Variants in UBE2J1 observed in about 807,000 individuals in gnomAD.
UBE2J1 encodes the protein ubiquitin conjugating enzyme E2 J1, also known as ubiquitin-conjugating enzyme E2 J1.
In UBE2J1, 17 loss-of-function variants were observed where a neutral mutation model predicts 42.1. The ratio of observed to expected loss-of-function variants is 0.40; its 90% CI spans 0.28 to 0.61. UBE2J1 has a LOEUF of 0.61. Among genes scored for constraint, UBE2J1 ranks in the 20% least tolerant of loss-of-function variants. The pLI is 0.38. For missense variants in UBE2J1, 291 were observed against 389.4 expected (o/e 0.75, Z 2.13); for synonymous variants, 127 against 137.2 (o/e 0.93, Z 0.52).
rs1201145649 is a variant in UBE2J1 at position 89,338,231 on chromosome 6, A to G, written c.402T>C (p.Pro134=). 8.7e-6 allele frequency: 14 copies of G among 1,613,148 alleles called. No homozygotes were observed. The highest frequency in any genetic ancestry group is 8.5e-7 in the Non-Finnish European group (1 of 1,179,728). ...EGAIGSLDYT[P]EERRALAKKS... ...TTTTGGCAAGTGCTCTTCTTTCCTC[A>G]GGAGTGTAATCTAGAGAACCTATGG... Residue 134 remains proline (P), a synonymous_variant, in exon 5 of 8, where the codon CCT becomes CCC. Coordinates refer to ENST00000435041, the MANE Select transcript of UBE2J1 (RefSeq NM_016021.3).
At chr6:89,341,125 G>A (rs939748511) in intron 3 of UBE2J1, among the ~76,000 whole-genome samples, 6 of 152,194 alleles carry the variant, frequency 3.9e-5, no homozygotes, top group Admixed American at 1.3e-4. Context: ...TTGCTACTCC[G>A]TGTGGGTAAG....
At chr6:89,350,839 T>C (rs547624466) in intron 1 of UBE2J1, among the ~76,000 whole-genome samples, 3 of 152,128 alleles carry the variant, frequency 2.0e-5, no homozygotes, top group Non-Finnish European at 4.4e-5. Flanking sequence ...CATTCTAAAC[T>C]GCACTACTAC....
rs754084351 is a variant in UBE2J1, at chr6:89,338,533, C to T, written c.248G>A (p.Arg83Gln). ...PSIILLTANG[R>Q]FEVGKKICLS... ...ACAGATTTTCTTGCCCACTTCAAATCGACCATTAGCCTGAGGAATAAACAA... is the reference window on the plus strand; with the variant it reads ...ACAGATTTTCTTGCCCACTTCAAATTGACCATTAGCCTGAGGAATAAACAA... The change falls in exon 4 of 8, where the codon CGA becomes CAA. Residue 83 changes from arginine to glutamine, a missense_variant. Coordinates refer to ENST00000435041, the MANE Select transcript of UBE2J1 (RefSeq NM_016021.3). The T allele has an allele frequency of 6.3e-7, 1 of 1,581,410 alleles. No homozygotes were observed. Among genetic ancestry groups the T allele is most frequent in the South Asian group, 1.2e-5 (1 of 84,322 alleles).
Position 89,333,100 on chromosome 6 carries a change from T to A in UBE2J1, c.664A>T (p.Thr222Ser). Residue 222 changes from threonine to serine, a missense_variant, in exon 7 of 8, where the codon ACG (threonine) becomes TCG (serine). Coordinates refer to ENST00000435041, the MANE Select transcript of UBE2J1 (RefSeq NM_016021.3). ...AAGAGCCATACCGATGTACTGGCCGTAGCACCCTGGAATGTTGTAGGTATA... is the reference window on the plus strand; with the variant it reads ...AAGAGCCATACCGATGTACTGGCCGAAGCACCCTGGAATGTTGTAGGTATA... ...DDIPTTFQGA[T>S]ASTSYGLQNS... 1 of 1,611,708 alleles carries A rather than the reference T, an allele frequency of 6.2e-7. No homozygotes were observed. The highest frequency in any genetic ancestry group is 8.5e-7 in the Non-Finnish European group (1 of 1,178,852).
intron 4 of UBE2J1, 43 bp downstream of exon 4, chr6:89,338,416 A>G (rs747894051): frequency 1.9e-6 from 3 of 1,568,680 alleles, no homozygotes; most frequent in South Asian, 1.1e-5. Flanking sequence ...CTATGAATTG[A>G]CTGAAGTTAT....
chr6:89,341,621 G>A (rs1432580232), intron 3 of UBE2J1, among the ~76,000 whole-genome samples: 1 of 152,094 alleles, frequency 6.6e-6, no homozygotes, highest in East Asian at 1.9e-4. Flanking sequence ...CTACTCAGGA[G>A]GCTGAGGTGG....
In UBE2J1 at chr6:89,329,347, A is replaced by G; in HGVS notation, c.*332T>C. On this transcript the variant is annotated 3_prime_UTR_variant, in exon 8 of 8. Transcript: ENST00000435041. ...AATACTCATTGGAACTTAAAACATC[A>G]TCTTTTATCCAAAAATTTCAAAGGG... is the stretch of plus-strand genomic sequence containing the variant. 3.3e-6 allele frequency: 1 copy of G among 306,406 alleles called. No individual in the cohort carries two copies. Among genetic ancestry groups the G allele is most frequent in the Non-Finnish European group, 6.1e-6 (1 of 162,984 alleles). 19.0% of individuals were successfully genotyped at this position (306,406 alleles called of 1,614,324 possible).
At chr6:89,350,262 T>G (rs1183775806) in intron 1 of UBE2J1, among the ~76,000 whole-genome samples, 1 of 152,248 alleles carries the variant, frequency 6.6e-6, no homozygotes, top group East Asian at 1.9e-4. Context: ...CACTCATACA[T>G]CAAAGACAAT....
Position 89,352,638 on chromosome 6 carries a change from G to C in UBE2J1, c.-69C>G. 2 of 1,480,376 alleles carry C rather than the reference G, an allele frequency of 1.4e-6. No individual in the cohort carries two copies. The highest frequency in any genetic ancestry group is 1.8e-6 in the Non-Finnish European group (2 of 1,117,906). The allele number at this position is 1,480,376 out of a possible 1,614,324, so 91.7% of individuals were successfully genotyped here. ...CTCCTCTCCACGCGGCCGCTGCCCGGGTCTCAGCGCGGCTCGGGCGGACGG... is the reference window on the plus strand; with the variant it reads ...CTCCTCTCCACGCGGCCGCTGCCCGCGTCTCAGCGCGGCTCGGGCGGACGG... On this transcript the variant is annotated 5_prime_UTR_variant, in exon 1 of 8. Transcript: ENST00000435041.
chr6:89,331,425 C>T (rs1228926979), intron 7 of UBE2J1, among the ~76,000 whole-genome samples: 2 of 152,134 alleles, frequency 1.3e-5, no homozygotes, highest in Non-Finnish European at 2.9e-5. Flanking sequence ...ACTATAATAA[C>T]ATCATTATTT....
At chr6:89,351,438 G>T (rs1582491888) in intron 1 of UBE2J1, among the ~76,000 whole-genome samples, 1 of 152,020 alleles carries the variant, frequency 6.6e-6, no homozygotes, top group East Asian at 1.9e-4. Context: ...GTCACCTAAG[G>T]ACATTTCTTA....
At chr6:89,352,367 G>A (rs1768502301) in intron 1 of UBE2J1, among the ~76,000 whole-genome samples, 172 bp downstream of exon 1, 1 of 152,222 alleles carries the variant, frequency 6.6e-6, no homozygotes, top group African/African-American at 2.4e-5. Context: ...ACGTCCACCC[G>A]GCCACCTCGC....
intron 1 of UBE2J1, 110 bp downstream of exon 1, chr6:89,352,429 C>T (rs1401257002): frequency 3.1e-6 from 4 of 1,289,022 alleles, no homozygotes; most frequent in Non-Finnish European, 4.2e-6. Flanking sequence ...GAGCGCGAAA[C>T]CAGGAGCTGA....
intron 2 of UBE2J1, 29 bp downstream of exon 2, chr6:89,343,654 A>C: frequency 1.9e-6 from 3 of 1,544,210 alleles, no homozygotes; most frequent in Non-Finnish European, 2.6e-6. Flanking sequence ...ATTAAAATCC[A>C]TATGAAGAAC....
Position 89,333,211 on chromosome 6 carries a change from A to C in UBE2J1, c.559-6T>G, listed in dbSNP as rs1768043422. ...CCAGATGAATTGACTTCTGCCTATA[A>C]ACAAGATAGACCCAAGAGCAGTGTG... On this transcript the variant is annotated splice_polypyrimidine_tract_variant and splice_region_variant and intron_variant, in intron 6 of 7. Coordinates refer to ENST00000435041, the MANE Select transcript of UBE2J1 (RefSeq NM_016021.3). 1 of 1,607,050 alleles carries C rather than the reference A, an allele frequency of 6.2e-7. No homozygotes were observed. Among genetic ancestry groups the C allele is most frequent in the East Asian group, 2.2e-5 (1 of 44,750 alleles).
chr6:89,352,210 G>A (rs1768497491), intron 1 of UBE2J1, among the ~76,000 whole-genome samples: 2 of 152,122 alleles, frequency 1.3e-5, no homozygotes, highest in South Asian at 4.1e-4. Context: ...CAGCGAGGGG[G>A]TTGATGACTA....
rs112739558 is a variant in UBE2J1, at chr6:89,335,169, T to C, written c.558+133A>G. Reference sequence around the variant, plus strand: ...TATGTAACCACAGAAATTAAAAATATAAAAATATGAAAAAAGAAAAACATT... The same window carrying C: ...TATGTAACCACAGAAATTAAAAATACAAAAATATGAAAAAAGAAAAACATT... On this transcript the variant is annotated intron_variant, in intron 6 of 7. Transcript: ENST00000435041. The C allele has an allele frequency of 2.2e-3, 1,836 of 828,196 alleles. 26 individuals carry two copies. The African/African-American group carries it at 0.03, about 14-fold the overall frequency. The allele number at this position is 828,196 out of a possible 1,614,324, so 51.3% of individuals were successfully genotyped here. A position where few individuals can be genotyped will look rare whatever the true frequency, so the allele number is the denominator to read the frequency against.
At chr6:89,343,336 GAGGC>G (rs1768289066) in intron 2 of UBE2J1, among the ~76,000 whole-genome samples, 1 of 151,214 alleles carries the variant, frequency 6.6e-6, no homozygotes, top group South Asian at 2.1e-4. Flanking sequence ...TCAGGAGGCT[GAGGC>G]AGGAGAATTG....
At chr6:89,337,879 G>C (rs953599728) in intron 5 of UBE2J1, among the ~76,000 whole-genome samples, 3 of 152,120 alleles carry the variant, frequency 2.0e-5, no homozygotes, top group African/African-American at 7.2e-5. Context: ...AATTGCTCTG[G>C]TTCTTTTCCA....
Sources: allele counts gnomAD v4.1 joint callset (sites outside exome capture counted in the v4.1 genomes callset), GRCh38; gene constraint gnomAD v4.1.1; transcripts MANE v1.5; gene names NCBI Gene and HGNC (gene_info 2026-07-23, HGNC 2026-07-21).